The following CAP1 variants were observed in gnomAD, a reference collection of about 807,000 sequenced individuals.
CAP1 encodes cyclase associated actin cytoskeleton regulatory protein 1.
In CAP1, 11 loss-of-function variants were observed where a neutral mutation model predicts 58.2. The observed-to-expected ratio is 0.19, with a 90% CI of 0.12 to 0.31. The LOEUF (loss-of-function observed/expected upper bound fraction) is 0.31, where lower values mean the gene tolerates loss of function less well. Ranked by LOEUF, CAP1 falls within the 10% of genes least tolerant of loss-of-function variation. CAP1 has a pLI of 1.00. For missense variants in CAP1, 423 were observed against 587.5 expected (o/e 0.72, Z 2.89); for synonymous variants, 183 against 213.8 (o/e 0.86, Z 1.26).
At chr1:40,044,236 G>GA (rs917097685) in intron 1 of CAP1, among the ~76,000 whole-genome samples, 15 of 146,126 alleles carry the variant, frequency 1.0e-4, no homozygotes, top group South Asian at 2.1e-4. Context: ...GTCTCTACCA[G>GA]AAAAAAAAAA....
At chr1:40,043,321 C>T (rs1570325307) in intron 1 of CAP1, among the ~76,000 whole-genome samples, 2 of 152,242 alleles carry the variant, frequency 1.3e-5, no homozygotes, top group East Asian at 3.9e-4. Flanking sequence ...CCTCAGCCTC[C>T]TGAGAAACTG....
Position 40,064,516 on chromosome 1 carries a change from G to C in CAP1, c.481G>C (p.Ala161Pro), listed in dbSNP as rs752382496. Residue 161 changes from alanine to proline, a missense_variant, in exon 6 of 13, where the codon GCC (alanine) becomes CCC (proline). Physicochemically the swap from Ala to Pro is conservative, Grantham distance 27 (BLOSUM62 -1). Transcript: ENST00000372805. ...TTATGTGAAAGAAATGAATGATGCC[G>C]CCATGTTTTATACAAACCGAGTCCT... ...GPYVKEMNDA[A>P]MFYTNRVLKE... The C allele has an allele frequency of 6.2e-7, 1 of 1,613,656 alleles. No homozygotes were observed.
intron 11 of CAP1, 157 bp downstream of exon 11, chr1:40,070,669 C>A: frequency 1.1e-6 from 1 of 914,028 alleles, no homozygotes; most frequent in Non-Finnish European, 1.7e-6. Context: ...GCTCTTCAAG[C>A]AAGTTCTTTT....
rs866390513 is a variant in CAP1, at chr1:40,044,801, T to C, written c.-11+4000T>C. On this transcript the variant is annotated intron_variant, in intron 1 of 12. Transcript: ENST00000372805. ...GGCCATATAATTCTTTTTTTTTTTT[T>C]TTTTTTTTTTTTTGAGACAGAGTCT... 1.4e-3 allele frequency among the ~76,000 whole-genome samples: 193 copies of C among 137,352 alleles called. 1 individual carries two copies. The highest frequency in any genetic ancestry group is 4.9e-3 in the South Asian group (20 of 4,088). 90.1% of individuals were successfully genotyped at this position (137,352 alleles called of 152,430 possible).
rs1262554633 is a variant in CAP1 at position 40,070,474 on chromosome 1, A to G, written c.1162A>G (p.Ile388Val). 6.2e-7 allele frequency: 1 copy of G among 1,614,038 alleles called. No homozygotes were observed. Among genetic ancestry groups the G allele is most frequent in the Non-Finnish European group, 8.5e-7 (1 of 1,180,004 alleles). The change falls in exon 11 of 13, where the codon ATT (isoleucine) becomes GTT (valine). Residue 388 changes from isoleucine to valine, a missense_variant. Ile to Val is a conservative substitution (Grantham distance 29, BLOSUM62 3). Coordinates refer to ENST00000372805, the MANE Select transcript of CAP1 (RefSeq NM_006367.4). ...CCTGGTATTCGATGACGTGGTGGGC[A>G]TTGTGGAGATAATCAACAGTAAGGA... The part of the protein sequence containing the change: ...LGLVFDDVVG[I>V]VEIINSKDVK...
intron 4 of CAP1, among the ~76,000 whole-genome samples, chr1:40,063,709 G>A (rs965402705): frequency 3.3e-5 from 5 of 152,206 alleles, no homozygotes; most frequent in African/African-American, 9.6e-5. Flanking sequence ...AAAAGAGCTC[G>A]TCTTTGAAGA....
At chr1:40,052,455 G>A (rs186498544) in intron 1 of CAP1, among the ~76,000 whole-genome samples, 11 of 152,254 alleles carry the variant, frequency 7.2e-5, no homozygotes, top group South Asian at 4.1e-4. Flanking sequence ...GGAGGTTTAC[G>A]TATAGTTCTT....
At chr1:40,043,948 G>A (rs1440653731) in intron 1 of CAP1, among the ~76,000 whole-genome samples, 2 of 152,078 alleles carry the variant, frequency 1.3e-5, no homozygotes, top group Non-Finnish European at 2.9e-5. Flanking sequence ...AGGCATAATT[G>A]ATATCTCAGA....
intron 1 of CAP1, among the ~76,000 whole-genome samples, chr1:40,058,286 A>T (rs1231007538): frequency 6.6e-6 from 1 of 152,100 alleles, no homozygotes; most frequent in Non-Finnish European, 1.5e-5. Flanking sequence ...TCATATCCTT[A>T]TCTGATCCTT....
At position 40,067,684 on chromosome 1, in the gene CAP1, G is replaced by A. The variant is rs375877766; in HGVS notation, c.775G>A (p.Ala259Thr). 47 of 1,597,994 alleles carry A rather than the reference G, an allele frequency of 2.9e-5. No homozygotes were observed. Among genetic ancestry groups the A allele is most frequent in the South Asian group, 5.6e-5 (5 of 89,660 alleles). ...GTCTGCTTCCCGCTCATCACTGTTCGCGCAGATTAATCAGGGGGAGAGCAT... is the reference window on the plus strand; with the variant it reads ...GTCTGCTTCCCGCTCATCACTGTTCACGCAGATTAATCAGGGGGAGAGCAT... Reference protein sequence around the residue: ...YESASRSSLFAQINQGESITH... With the variant: ...YESASRSSLFTQINQGESITH... The change falls in exon 8 of 13, where the codon GCG becomes ACG. Residue 259 changes from alanine (A) to threonine (T), a missense_variant. Coordinates refer to ENST00000372805, the MANE Select transcript of CAP1 (RefSeq NM_006367.4).
intron 1 of CAP1, among the ~76,000 whole-genome samples, chr1:40,055,507 T>A (rs1646573932): frequency 6.6e-6 from 1 of 151,936 alleles, no homozygotes; most frequent in African/African-American, 2.4e-5. Context: ...CTTGGTGAAG[T>A]CTTGATATCC....
intron 1 of CAP1, among the ~76,000 whole-genome samples, chr1:40,043,379 G>T (rs1337190040): frequency 6.6e-6 from 1 of 151,880 alleles, no homozygotes; most frequent in Non-Finnish European, 1.5e-5. Context: ...TGTATTTTTA[G>T]TAGAGACGGG....
chr1:40,067,312 G>T (rs920545597), intron 7 of CAP1: 4 of 448,012 alleles, frequency 8.9e-6, no homozygotes, highest in Non-Finnish European at 1.6e-5. Context: ...CTGGAATCAG[G>T]TGAGTTCAAA....
At chr1:40,058,798 G>A (rs1441118142) in intron 1 of CAP1, among the ~76,000 whole-genome samples, 1 of 152,120 alleles carries the variant, frequency 6.6e-6, no homozygotes, top group Non-Finnish European at 1.5e-5. Context: ...CAGGCAGCAG[G>A]ATGTTGTAGG....
At chr1:40,050,008 A>G (rs1250398438) in intron 1 of CAP1, among the ~76,000 whole-genome samples, 5 of 152,172 alleles carry the variant, frequency 3.3e-5, no homozygotes, top group African/African-American at 1.2e-4. Flanking sequence ...TTGCCTCCAT[A>G]TAAGGAAGAA....
intron 3 of CAP1, among the ~76,000 whole-genome samples, chr1:40,061,177 T>C (rs1452780277): frequency 6.6e-6 from 1 of 152,152 alleles, no homozygotes; most frequent in Non-Finnish European, 1.5e-5. Context: ...TTTAACTTTT[T>C]ATTTGGAAAT....
At chr1:40,047,976 A>G (rs1406202710) in intron 1 of CAP1, among the ~76,000 whole-genome samples, 2 of 152,072 alleles carry the variant, frequency 1.3e-5, no homozygotes, top group Non-Finnish European at 2.9e-5. Context: ...ACTAAATGTC[A>G]TTGGTTTAAT....
intron 1 of CAP1, among the ~76,000 whole-genome samples, chr1:40,045,644 C>G (rs1046345095): frequency 6.6e-6 from 1 of 152,194 alleles, no homozygotes. Flanking sequence ...CAACCTCCCC[C>G]TCCCGGGTTC....
intron 1 of CAP1, among the ~76,000 whole-genome samples, chr1:40,042,426 A>G (rs777898049): frequency 2.0e-5 from 3 of 152,186 alleles, no homozygotes; most frequent in Non-Finnish European, 2.9e-5. Context: ...ATTTAGCTAC[A>G]TAGGGAATCC....
Sources: allele counts gnomAD v4.1 joint callset (sites outside exome capture counted in the v4.1 genomes callset), GRCh38; gene constraint gnomAD v4.1.1; transcripts MANE v1.5; gene names NCBI Gene and HGNC (gene_info 2026-07-23, HGNC 2026-07-21).